Variants in SDK1 observed in about 807,000 individuals in gnomAD.
SDK1 encodes sidekick cell adhesion molecule 1, also known as protein sidekick-1.
In SDK1, 157 loss-of-function variants were observed where a neutral mutation model predicts 245.5. That is an observed-to-expected ratio of 0.64 (90% CI 0.56 to 0.73). The LOEUF (loss-of-function observed/expected upper bound fraction) is 0.73, where lower values mean the gene tolerates loss of function less well. Ranked by LOEUF, SDK1 falls within the 30% of genes least tolerant of loss-of-function variation. SDK1 has a pLI of 0.00. For missense variants in SDK1, 3,583 were observed against 3,002.3 expected (o/e 1.19, Z -4.52); for synonymous variants, 1,647 against 1,278.5 (o/e 1.29, Z -6.15).
At chr7:3,378,635 GT>G (rs1781409976) in intron 1 of SDK1, among the ~76,000 whole-genome samples, 2 of 152,016 alleles carry the variant, frequency 1.3e-5, no homozygotes, top group African/African-American at 4.8e-5. Flanking sequence ...CTTTCATGCT[GT>G]TTGTTTACTT....
At chr7:3,479,723 A>G (rs891315479) in intron 1 of SDK1, among the ~76,000 whole-genome samples, 4 of 151,776 alleles carry the variant, frequency 2.6e-5, no homozygotes, top group East Asian at 1.9e-4. Flanking sequence ...TTAGCTGGGC[A>G]TGGTGGCGTG....
chr7:4,245,422 G>T (rs970328270), intron 43 of SDK1, among the ~76,000 whole-genome samples: 2 of 152,038 alleles, frequency 1.3e-5, no homozygotes, highest in African/African-American at 4.8e-5. Context: ...GCCCCTCCTG[G>T]CACAGACCAG....
At chr7:3,641,167 A>T (rs1359157706) in intron 3 of SDK1, among the ~76,000 whole-genome samples, 1 of 152,104 alleles carries the variant, frequency 6.6e-6, no homozygotes, top group African/African-American at 2.4e-5. Flanking sequence ...ATAATAGAGC[A>T]CTTCTGTGGA....
At position 3,570,376 on chromosome 7, in the gene SDK1, G is replaced by A. The variant is rs146511948; in HGVS notation, c.299-48704G>A. On this transcript the variant is annotated intron_variant, in intron 1 of 44. Coordinates refer to ENST00000404826, the MANE Select transcript of SDK1 (RefSeq NM_152744.4). ...AATCAAACGCCGCCTCTGACCTGAC[G>A]GGAGGAGTTGCTCAGGCAGTAATGC... 3.5e-4 allele frequency among the ~76,000 whole-genome samples: 53 copies of A among 152,184 alleles called. 1 individual carries two copies. In the East Asian group the frequency reaches 9.1e-3, roughly 26 times the overall value.
At chr7:4,172,473 C>T (rs1217029735) in intron 32 of SDK1, among the ~76,000 whole-genome samples, 5 of 152,162 alleles carry the variant, frequency 3.3e-5, no homozygotes, top group Admixed American at 1.3e-4. Context: ...TGGGTTTTGC[C>T]TCGTGAGTAG....
chr7:4,175,245 G>A (rs1360033323), intron 33 of SDK1, among the ~76,000 whole-genome samples: 1 of 152,200 alleles, frequency 6.6e-6, no homozygotes, highest in Non-Finnish European at 1.5e-5. Flanking sequence ...TGCACTGTTG[G>A]CACACCCCAA....
At chr7:3,375,180 CAA>C (rs35979685) in intron 1 of SDK1, among the ~76,000 whole-genome samples, 72,519 of 142,248 alleles carry the variant, frequency 0.51, 18,659 homozygotes, top group South Asian at 0.64. Flanking sequence ...AGTTAATTTG[CAA>C]AAAAAAAAAA....
At chr7:3,966,488 C>A (rs955650333) in intron 9 of SDK1, among the ~76,000 whole-genome samples, 7 of 152,096 alleles carry the variant, frequency 4.6e-5, no homozygotes, top group African/African-American at 1.7e-4. Context: ...CTCGGTCTGA[C>A]TCAGGGCTGC....
At chr7:4,242,040 C>T (rs915148187) in intron 43 of SDK1, 127 bp downstream of exon 43, 7 of 1,096,448 alleles carry the variant, frequency 6.4e-6, no homozygotes, top group Middle Eastern at 3.0e-4. Flanking sequence ...CCCAACCCAC[C>T]GCCAAGTGCG....
intron 1 of SDK1, among the ~76,000 whole-genome samples, chr7:3,458,356 G>A (rs1780731588): frequency 6.6e-6 from 1 of 152,072 alleles, no homozygotes; most frequent in African/African-American, 2.4e-5. Flanking sequence ...TCTATCCTAA[G>A]TGCCTAGAGC....
rs1226066261 is a variant in SDK1, at chr7:3,301,695, C to A, written c.109C>A (p.Arg37Ser). ...RPRGSPPGRARPSLAPRPGPE... is the reference protein window; with the variant it reads ...RPRGSPPGRASPSLAPRPGPE... ...GCGGGGATCCCCGCCCGGCCGCGCCCGCCCCTCGCTGGCGCCGCGCCCCGG... is the reference window on the plus strand; with the variant it reads ...GCGGGGATCCCCGCCCGGCCGCGCCAGCCCCTCGCTGGCGCCGCGCCCCGG... The change falls in exon 1 of 45, where the codon CGC becomes AGC. Residue 37 changes from arginine to serine, a missense_variant. Physicochemically the swap from Arg to Ser is moderately radical, Grantham distance 110. Transcript: ENST00000404826. 1.0e-6 allele frequency: 1 copy of A among 973,792 alleles called. No homozygotes were observed. Among genetic ancestry groups the A allele is most frequent in the African/African-American group, 1.8e-5 (1 of 56,206 alleles). 60.3% of individuals were successfully genotyped at this position (973,792 alleles called of 1,614,324 possible). A position where few individuals can be genotyped will look rare whatever the true frequency, so the allele number is the denominator to read the frequency against.
chr7:3,883,696 C>CCCTCCCTT (rs1781262641), intron 5 of SDK1, among the ~76,000 whole-genome samples: 1 of 96,728 alleles, frequency 1.0e-5, no homozygotes, highest in African/African-American at 3.9e-5. Context: ...CTCCCTCGCT[C>CCCTCCCTT]CCTCCCTCCC....
intron 14 of SDK1, among the ~76,000 whole-genome samples, chr7:3,991,859 C>G (rs1263920224): frequency 1.3e-5 from 2 of 152,250 alleles, no homozygotes; most frequent in Non-Finnish European, 2.9e-5. Context: ...CCACCATCAT[C>G]TGGGCCAGTG....
chr7:3,586,587 C>G (rs889196744), intron 1 of SDK1, among the ~76,000 whole-genome samples: 1 of 150,962 alleles, frequency 6.6e-6, no homozygotes, highest in South Asian at 2.1e-4. Flanking sequence ...CGCCTGTAGT[C>G]CTAGCTACTC....
At chr7:3,814,964 G>A (rs1779471295) in intron 4 of SDK1, among the ~76,000 whole-genome samples, 1 of 151,874 alleles carries the variant, frequency 6.6e-6, no homozygotes, top group African/African-American at 2.4e-5. Context: ...CATCGATTTT[G>A]TATCCTGAGA....
intron 5 of SDK1, among the ~76,000 whole-genome samples, chr7:3,890,731 C>T (rs967965740): frequency 6.6e-6 from 1 of 151,972 alleles, no homozygotes; most frequent in African/African-American, 2.4e-5. Context: ...CACCTGAGGT[C>T]AGGAGTTCGA....
intron 4 of SDK1, among the ~76,000 whole-genome samples, chr7:3,792,954 A>G (rs1026948750): frequency 6.6e-6 from 1 of 152,224 alleles, no homozygotes; most frequent in Non-Finnish European, 1.5e-5. Flanking sequence ...TGAAATGTTA[A>G]CTTTGTAATA....
At chr7:4,116,122 A>G (rs935637432) in intron 25 of SDK1, among the ~76,000 whole-genome samples, 1 of 152,054 alleles carries the variant, frequency 6.6e-6, no homozygotes, top group Non-Finnish European at 1.5e-5. Flanking sequence ...AAAGATGAAG[A>G]GGGAAACATA....
At chr7:3,964,521 G>A (rs897038160) in intron 9 of SDK1, among the ~76,000 whole-genome samples, 4 of 151,858 alleles carry the variant, frequency 2.6e-5, no homozygotes, top group Non-Finnish European at 5.9e-5. Flanking sequence ...GTTCTTTTGT[G>A]AGTTTCTTTT....
Sources: allele counts gnomAD v4.1 joint callset (sites outside exome capture counted in the v4.1 genomes callset), GRCh38; gene constraint gnomAD v4.1.1; transcripts MANE v1.5; gene names NCBI Gene and HGNC (gene_info 2026-07-23, HGNC 2026-07-21).